The following GNL1 variants were observed in gnomAD, a reference collection of about 807,000 sequenced individuals.
The protein encoded by GNL1 is guanine nucleotide-binding protein-like 1.
GNL1 carries 21 observed loss-of-function variants against 75.2 expected under a neutral mutation model. The observed-to-expected ratio is 0.28, with a 90% confidence interval of 0.20 to 0.40. The LOEUF (loss-of-function observed/expected upper bound fraction) is 0.40, where lower values mean the gene tolerates loss of function less well. GNL1 is among the 10% of genes least tolerant of loss of function. GNL1 has a pLI of 1.00. For missense variants in GNL1, 579 were observed against 775.0 expected, an observed-to-expected ratio of 0.75 and a Z score of 3.00; for synonymous variants, 287 against 303.4, an observed-to-expected ratio of 0.95 and a Z score of 0.56.
chr6:30,547,603 G>A lies in GNL1; in HGVS notation c.1100-73C>T, dbSNP rs145404232. 7.6e-4 allele frequency: 954 copies of A among 1,247,092 alleles called. 12 individuals carry two copies. The highest frequency in any genetic ancestry group is 4.9e-3 in the South Asian group (382 of 77,568). The allele number at this position is 1,247,092 out of a possible 1,614,324, so 77.3% of individuals were successfully genotyped here. On this transcript the variant is annotated intron_variant, in intron 8 of 11. Transcript: ENST00000376621. This position sits in a 1 kb window ranked among gnomAD's most constrained non-coding sequence, Gnocchi z 5.5. ...ATGGGACTTGGTGCTATACCTATAG[G>A]TAAAAGGGGAACTAAGGCTCAGAAA...
rs564555134 is a variant in GNL1, at chr6:30,554,750, G to C, written c.528+14C>G. 6.2e-7 allele frequency: 1 copy of C among 1,612,452 alleles called. No individual in the cohort carries two copies. The highest frequency in any genetic ancestry group is 1.3e-5 in the African/African-American group (1 of 75,002). ...TCACTATGCCCCACTCCTGTCCCTA[G>C]AGTACACTGTCACCTCCAGATTGTG... On this transcript the variant is annotated intron_variant, in intron 4 of 11. Coordinates refer to ENST00000376621, the MANE Select transcript of GNL1 (RefSeq NM_005275.5).
In GNL1 at chr6:30,541,385, C is replaced by A. The variant is rs187719552; in HGVS notation, c.*4687G>T. ...AAGAAACATATCCAAACTTTGTTGT[C>A]TCTTCATTCAAGTTTGGCTTTAATA... is the stretch of plus-strand genomic sequence containing the variant. On this transcript the variant is annotated 3_prime_UTR_variant, in exon 12 of 12. Transcript: ENST00000376621. 12 of 152,216 alleles carry A rather than the reference C, an allele frequency of 7.9e-5. No homozygotes were observed. The East Asian group carries it at 2.3e-3, about 29-fold the overall frequency. 9.4% of individuals were successfully genotyped at this position (152,216 alleles called of 1,614,324 possible). A position where few individuals can be genotyped will look rare whatever the true frequency, so the allele number is the denominator to read the frequency against.
Position 30,548,180 on chromosome 6 carries a change from AAAT to A in GNL1, c.1100-653_1100-651del, listed in dbSNP as rs1159955682. Among the ~76,000 whole-genome samples, 2 of 152,052 alleles carry A rather than the reference AAAT, an allele frequency of 1.3e-5. No individual in the cohort carries two copies. The highest frequency in any genetic ancestry group is 4.8e-5 in the African/African-American group (2 of 41,394). On this transcript the variant is annotated intron_variant, in intron 8 of 11. Transcript: ENST00000376621. This position sits in a 1 kb window ranked among gnomAD's most constrained non-coding sequence, Gnocchi z 4.2. Reference sequence around the variant, plus strand: ...AATAAGAGGGAAACTCCATCTCAAAAAATAATAATAATAATTACGATGACTTGT... The same window carrying A: ...AATAAGAGGGAAACTCCATCTCAAAAAATAATAATAATTACGATGACTTGT...
In GNL1 at chr6:30,556,265, C is replaced by G; in HGVS notation, c.-62G>C. Reference sequence around the variant, plus strand: ...CTCCCGCCGCCTCAACTGACTGCCCCCCGGGGCAGCCCCCGCCGCAGGGGC... The same window carrying G: ...CTCCCGCCGCCTCAACTGACTGCCCGCCGGGGCAGCCCCCGCCGCAGGGGC... On this transcript the variant is annotated 5_prime_UTR_variant, in exon 1 of 12. Coordinates refer to ENST00000376621, the MANE Select transcript of GNL1 (RefSeq NM_005275.5). This position sits in a 1 kb window ranked among gnomAD's most constrained non-coding sequence, Gnocchi z 5.7. The G allele has an allele frequency of 6.4e-7, 1 of 1,564,554 alleles. No individual in the cohort carries two copies.
Position 30,552,519 on chromosome 6 carries a change from A to C in GNL1, c.1047T>G (p.Thr349=). The change falls in exon 8 of 12, where the codon ACT becomes ACG. Residue 349 remains threonine (T), a synonymous_variant. Transcript: ENST00000376621. This position sits in a 1 kb window ranked among gnomAD's most constrained non-coding sequence, Gnocchi z 4.5. The part of the protein sequence containing the change: ...EQQTDSAMEP[T]GPTQERYKDG... The stretch of plus-strand genomic sequence containing the variant: ...CCTTGTAGCGCTCTTGGGTTGGGCC[A>C]GTTGGCTCCATTGCTGAATCAGTCT... 6.2e-7 allele frequency: 1 copy of C among 1,614,120 alleles called. No homozygotes were observed. Among genetic ancestry groups the C allele is most frequent in the Non-Finnish European group, 8.5e-7 (1 of 1,179,982 alleles).
chr6:30,552,502 C>A lies in GNL1; in HGVS notation c.1064G>T (p.Arg355Leu), dbSNP rs762642839. The A allele has an allele frequency of 4.3e-6, 7 of 1,613,864 alleles. No individual in the cohort carries two copies. In the Admixed American group the frequency reaches 1.2e-4, roughly 27 times the overall value. ...AMEPTGPTQE[R>L]YKDGVVTIGC... ...GATGGTCACCACCCCATCCTTGTAG[C>A]GCTCTTGGGTTGGGCCAGTTGGCTC... Residue 355 changes from arginine to leucine, a missense_variant, in exon 8 of 12, where the codon CGC (arginine) becomes CTC (leucine). Physicochemically the swap from Arg to Leu is moderately radical, Grantham distance 102 (BLOSUM62 -2). Transcript: ENST00000376621. This position sits in a 1 kb window ranked among gnomAD's most constrained non-coding sequence, Gnocchi z 4.5.
At position 30,546,633 on chromosome 6, in the gene GNL1, A is replaced by G; in HGVS notation, c.1582+63T>C. ...CAGGTTTGACCCTCTCTCTGGCCAC[A>G]AAGCCCACACCCTTTTACCTACGCT... On this transcript the variant is annotated intron_variant, in intron 11 of 11. Coordinates refer to ENST00000376621, the MANE Select transcript of GNL1 (RefSeq NM_005275.5). This position sits in a 1 kb window ranked among gnomAD's most constrained non-coding sequence, Gnocchi z 5.1. The G allele has an allele frequency of 7.2e-7, 1 of 1,384,564 alleles. No individual in the cohort carries two copies. The highest frequency in any genetic ancestry group is 9.9e-7 in the Non-Finnish European group (1 of 1,007,368). 85.8% of individuals were successfully genotyped at this position (1,384,564 alleles called of 1,614,324 possible).
rs1799170436 is a variant in GNL1, at chr6:30,541,622, C to T, written c.*4450G>A. 6.6e-6 allele frequency: 1 copy of T among 152,268 alleles called. No individual in the cohort carries two copies. Among genetic ancestry groups the T allele is most frequent in the Non-Finnish European group, 1.5e-5 (1 of 68,018 alleles). 9.4% of individuals were successfully genotyped at this position (152,268 alleles called of 1,614,324 possible). The stretch of plus-strand genomic sequence containing the variant: ...AGCCTCTCAGCCTGCAGTGATGCTA[C>T]GACACCGGCAGATGGCGCTGCAAAG... On this transcript the variant is annotated 3_prime_UTR_variant, in exon 12 of 12. Transcript: ENST00000376621.
At position 30,555,306 on chromosome 6, in the gene GNL1, C is replaced by T. The variant is rs1374881083; in HGVS notation, c.240-115G>A. The T allele has an allele frequency of 7.7e-7, 1 of 1,303,770 alleles. No individual in the cohort carries two copies. 80.8% of individuals were successfully genotyped at this position (1,303,770 alleles called of 1,614,324 possible). A position where few individuals can be genotyped will look rare whatever the true frequency, so the allele number is the denominator to read the frequency against. ...ATTCTCTCCAGAGTCGTTCAAGTCT[C>T]CTCTCTCAAGTCAGACTTCCCCCAA... On this transcript the variant is annotated intron_variant, in intron 2 of 11. Coordinates refer to ENST00000376621, the MANE Select transcript of GNL1 (RefSeq NM_005275.5). This position sits in a 1 kb window ranked among gnomAD's most constrained non-coding sequence, Gnocchi z 4.3.
In GNL1 at chr6:30,555,672, C is replaced by T; in HGVS notation, c.122G>A (p.Arg41Gln). The T allele has an allele frequency of 6.2e-7, 1 of 1,613,994 alleles. No homozygotes were observed. ...RSSSNSRSGS[R>Q]ERREEQTDTS... ...GTCGGTCTGTTCCTCTCGCCGCTCCCGGCTCCCGCTGCGGCTGTTGGAACT... is the reference window on the plus strand; with the variant it reads ...GTCGGTCTGTTCCTCTCGCCGCTCCTGGCTCCCGCTGCGGCTGTTGGAACT... Residue 41 changes from arginine to glutamine, a missense_variant, in exon 2 of 12, where the codon CGG (arginine) becomes CAG (glutamine). Coordinates refer to ENST00000376621, the MANE Select transcript of GNL1 (RefSeq NM_005275.5). This position sits in a 1 kb window ranked among gnomAD's most constrained non-coding sequence, Gnocchi z 4.3.
chr6:30,541,903 CAGT>C lies in GNL1; in HGVS notation c.*4166_*4168del, dbSNP rs1799190447. 1.3e-5 allele frequency: 2 copies of C among 152,350 alleles called. No individual in the cohort carries two copies. Among genetic ancestry groups the C allele is most frequent in the South Asian group, 2.1e-4 (1 of 4,826 alleles). 9.4% of individuals were successfully genotyped at this position (152,350 alleles called of 1,614,324 possible). A position where few individuals can be genotyped will look rare whatever the true frequency, so the allele number is the denominator to read the frequency against. On this transcript the variant is annotated 3_prime_UTR_variant, in exon 12 of 12. Coordinates refer to ENST00000376621, the MANE Select transcript of GNL1 (RefSeq NM_005275.5). ...AGGGCACTCCCCTCACTGGGACTCT[CAGT>C]ACCACGCCCACCTGTCCCCAAGGTT...
rs1340906028 is a variant in GNL1, at chr6:30,548,802, C to G, written c.1100-1272G>C. On this transcript the variant is annotated intron_variant, in intron 8 of 11. Transcript: ENST00000376621. The surrounding 1 kb of genome is among the most constrained non-coding windows in gnomAD (Gnocchi z 4.2). ...GAAAAAAGTTCTCCTTTGACGACCA[C>G]CACCAGACCTAGTTCTCTGTCCGCT... Among the ~76,000 whole-genome samples the G allele has an allele frequency of 6.6e-6, 1 of 152,202 alleles. No homozygotes were observed. Among genetic ancestry groups the G allele is most frequent in the Non-Finnish European group, 1.5e-5 (1 of 68,036 alleles).
rs1799327764 is a variant in GNL1 at position 30,544,247 on chromosome 6, ATTC to A, written c.*1822_*1824del. ...ATCCCCCCTCCTCAGCTCCCAGTCAATTCTTCATCCCCACCCCTAGACTCTCCC... is the reference window on the plus strand; with the variant it reads ...ATCCCCCCTCCTCAGCTCCCAGTCAATTCATCCCCACCCCTAGACTCTCCC... On this transcript the variant is annotated 3_prime_UTR_variant, in exon 12 of 12. Coordinates refer to ENST00000376621, the MANE Select transcript of GNL1 (RefSeq NM_005275.5). 6.6e-6 allele frequency: 1 copy of A among 152,148 alleles called. No homozygotes were observed. The highest frequency in any genetic ancestry group is 1.9e-4 in the East Asian group (1 of 5,200). The allele number at this position is 152,148 out of a possible 1,614,324, so 9.4% of individuals were successfully genotyped here.
rs1799494870 is a variant in GNL1 at position 30,547,055 on chromosome 6, C to T, written c.1441+57G>A. Reference sequence around the variant, plus strand: ...AGACAGGGAAGGGTAAAAGGCGAGGCAGGTAAGGAAGAGCAGCTGAAACCA... The same window carrying T: ...AGACAGGGAAGGGTAAAAGGCGAGGTAGGTAAGGAAGAGCAGCTGAAACCA... On this transcript the variant is annotated intron_variant, in intron 10 of 11. Transcript: ENST00000376621. The surrounding 1 kb of genome is among the most constrained non-coding windows in gnomAD (Gnocchi z 5.5). 4.1e-6 allele frequency: 6 copies of T among 1,470,182 alleles called. No individual in the cohort carries two copies. Among genetic ancestry groups the T allele is most frequent in the Non-Finnish European group, 5.7e-6 (6 of 1,051,998 alleles). The allele number at this position is 1,470,182 out of a possible 1,614,324, so 91.1% of individuals were successfully genotyped here. A position where few individuals can be genotyped will look rare whatever the true frequency, so the allele number is the denominator to read the frequency against.
chr6:30,556,307 G>GGCGGGGCTAGCAGGTGACGTCA lies in GNL1; in HGVS notation c.-126_-105dup. 1.5e-6 allele frequency: 2 copies of GGCGGGGCTAGCAGGTGACGTCA among 1,356,806 alleles called. No individual in the cohort carries two copies. The highest frequency in any genetic ancestry group is 2.1e-6 in the Non-Finnish European group (2 of 971,666). The allele number at this position is 1,356,806 out of a possible 1,614,324, so 84.0% of individuals were successfully genotyped here. ...CGCAGGGGCCCGGGACCCTAGAGGAGGCGGGGCTAGCAGGTGACGTCAGCG... is the reference window on the plus strand; with the variant it reads ...CGCAGGGGCCCGGGACCCTAGAGGAGGCGGGGCTAGCAGGTGACGTCAGCGGGGCTAGCAGGTGACGTCAGCG... On this transcript the variant is annotated 5_prime_UTR_variant, in exon 1 of 12. Coordinates refer to ENST00000376621, the MANE Select transcript of GNL1 (RefSeq NM_005275.5). This position sits in a 1 kb window ranked among gnomAD's most constrained non-coding sequence, Gnocchi z 5.7.
rs1178851817 is a variant in GNL1 at position 30,542,008 on chromosome 6, A to C, written c.*4064T>G. On this transcript the variant is annotated 3_prime_UTR_variant, in exon 12 of 12. Coordinates refer to ENST00000376621, the MANE Select transcript of GNL1 (RefSeq NM_005275.5). This position sits in a 1 kb window ranked among gnomAD's most constrained non-coding sequence, Gnocchi z 4.5. Reference sequence around the variant, plus strand: ...TGATCCTTCTTCCTAACATCGTGTTAACACACTCCAAACTAAAAAAGTTCC... The same window carrying C: ...TGATCCTTCTTCCTAACATCGTGTTCACACACTCCAAACTAAAAAAGTTCC... The C allele has an allele frequency of 6.6e-6, 1 of 152,198 alleles. No individual in the cohort carries two copies. Among genetic ancestry groups the C allele is most frequent in the Non-Finnish European group, 1.5e-5 (1 of 68,032 alleles). The allele number at this position is 152,198 out of a possible 1,614,324, so 9.4% of individuals were successfully genotyped here.
chr6:30,554,815 A>T lies in GNL1; in HGVS notation c.477T>A (p.Ile159=). 4.3e-6 allele frequency: 7 copies of T among 1,612,850 alleles called. No homozygotes were observed. The highest frequency in any genetic ancestry group is 5.9e-6 in the Non-Finnish European group (7 of 1,179,886). ...GTTTCTCAGAGGAGTAAGCCCCATGAATCTTCCCAAGATAGTCTTGGAAGC... is the reference window on the plus strand; with the variant it reads ...GTTTCTCAGAGGAGTAAGCCCCATGTATCTTCCCAAGATAGTCTTGGAAGC... ...ERSFQDYLGK[I]HGAYSSEKLS... The change falls in exon 4 of 12, where the codon ATT becomes ATA. Residue 159 remains isoleucine, a synonymous_variant. Transcript: ENST00000376621.
At position 30,546,001 on chromosome 6, in the gene GNL1, A is replaced by G; in HGVS notation, c.*71T>C. 9.5e-7 allele frequency: 1 copy of G among 1,053,228 alleles called. No homozygotes were observed. Among genetic ancestry groups the G allele is most frequent in the South Asian group, 1.4e-5 (1 of 71,000 alleles). 65.2% of individuals were successfully genotyped at this position (1,053,228 alleles called of 1,614,324 possible). A position where few individuals can be genotyped will look rare whatever the true frequency, so the allele number is the denominator to read the frequency against. ...AATCTTTATTCACAATTGGGGTGGC[A>G]GAGGGGAGATACCCCCAGGTCAGTC... is the stretch of plus-strand genomic sequence containing the variant. On this transcript the variant is annotated 3_prime_UTR_variant, in exon 12 of 12. Transcript: ENST00000376621. This position sits in a 1 kb window ranked among gnomAD's most constrained non-coding sequence, Gnocchi z 5.1.
chr6:30,554,905 A>G lies in GNL1; in HGVS notation c.387T>C (p.Phe129=), dbSNP rs774604345. 3.1e-6 allele frequency: 5 copies of G among 1,612,978 alleles called. No individual in the cohort carries two copies. The highest frequency in any genetic ancestry group is 4.2e-6 in the Non-Finnish European group (5 of 1,179,950). Reference sequence around the variant, plus strand: ...CATAGCTCCAAGGAGGACGTCGAGGAAAGTCCAGAACTGGGAATTCAGGAA... The same window carrying G: ...CATAGCTCCAAGGAGGACGTCGAGGGAAGTCCAGAACTGGGAATTCAGGAA... ...EVYQPGSVLD[F]PRRPPWSYEM... The change falls in exon 4 of 12, where the codon TTT becomes TTC. Residue 129 remains phenylalanine, a synonymous_variant. Coordinates refer to ENST00000376621, the MANE Select transcript of GNL1 (RefSeq NM_005275.5).
Sources: allele counts gnomAD v4.1 joint callset (sites outside exome capture counted in the v4.1 genomes callset), GRCh38; gene constraint gnomAD v4.1.1; non-coding constraint Gnocchi (gnomAD v3.1); transcripts MANE v1.5; gene names NCBI Gene and HGNC (gene_info 2026-07-23, HGNC 2026-07-21).